The following FOXP1 variants were observed in gnomAD, a reference collection of about 807,000 sequenced individuals.
The protein encoded by FOXP1 is forkhead box P1.
FOXP1 carries 15 observed loss-of-function variants against 98.2 expected under a neutral mutation model. The observed-to-expected ratio is 0.15, with a 90% confidence interval of 0.10 to 0.24. The LOEUF (loss-of-function observed/expected upper bound fraction) is 0.24. FOXP1 is among the 10% of genes least tolerant of loss of function. FOXP1 has a pLI of 1.00. For synonymous variants in FOXP1, 371 were observed against 314.5 expected (o/e 1.18, Z -1.90); for missense variants, 633 against 848.5 (o/e 0.75, Z 3.15).
chr3:71,204,520 G>A (rs2063889139), intron 5 of FOXP1, among the ~76,000 whole-genome samples: 1 of 152,136 alleles, frequency 6.6e-6, no homozygotes, highest in African/African-American at 2.4e-5. Context: ...TCTCAGTAGA[G>A]GACTGCAACA....
chr3:71,161,158 G>A (rs755778260), intron 6 of FOXP1, among the ~76,000 whole-genome samples: 8 of 152,192 alleles, frequency 5.3e-5, no homozygotes, highest in Non-Finnish European at 8.8e-5. Context: ...GCTTTCCAAG[G>A]TTCCCGCTTC....
intron 3 of FOXP1, among the ~76,000 whole-genome samples, chr3:71,422,868 G>A (rs777393097): frequency 1.4e-4 from 21 of 151,834 alleles, no homozygotes; most frequent in East Asian, 5.8e-4. Flanking sequence ...ACACACAAGC[G>A]CGCACACACA....
chr3:71,062,142 T>C (rs1315625058), intron 7 of FOXP1, among the ~76,000 whole-genome samples: 2 of 152,102 alleles, frequency 1.3e-5, no homozygotes, highest in Admixed American at 6.5e-5. Context: ...TACATTAAAC[T>C]ACAAACAACA....
intron 4 of FOXP1, among the ~76,000 whole-genome samples, chr3:71,350,142 C>T (rs1219885513): frequency 6.6e-6 from 1 of 152,132 alleles, no homozygotes; most frequent in Non-Finnish European, 1.5e-5. Flanking sequence ...GATATTATTC[C>T]CACCACTTAC....
intron 4 of FOXP1, among the ~76,000 whole-genome samples, chr3:71,348,656 T>A: frequency 6.6e-6 from 1 of 151,850 alleles, no homozygotes. Flanking sequence ...TGCAGGTGTG[T>A]GTGTCGAGCA....
chr3:71,469,385 AACAC>A (rs2089099107), intron 3 of FOXP1, among the ~76,000 whole-genome samples: 1 of 152,214 alleles, frequency 6.6e-6, no homozygotes, highest in South Asian at 2.1e-4. Context: ...CATTATTTAA[AACAC>A]ACAGGACCAT....
At chr3:71,356,319 C>A (rs767102373) in intron 4 of FOXP1, among the ~76,000 whole-genome samples, 1 of 151,986 alleles carries the variant, frequency 6.6e-6, no homozygotes, top group Non-Finnish European at 1.5e-5. Context: ...AGGGCTACAG[C>A]AGCTGTATAC....
intron 5 of FOXP1, among the ~76,000 whole-genome samples, chr3:71,217,722 T>G (rs1445128041): frequency 2.6e-5 from 4 of 152,024 alleles, no homozygotes; most frequent in African/African-American, 9.7e-5. Context: ...AGGGCTGGGA[T>G]GAAATGAGCT....
intron 2 of FOXP1, among the ~76,000 whole-genome samples, chr3:71,538,026 G>A (rs773714258): frequency 6.6e-6 from 1 of 152,206 alleles, no homozygotes; most frequent in Non-Finnish European, 1.5e-5. Context: ...CTGAGAGACT[G>A]TATGGCCTGC....
chr3:71,279,639 C>A (rs2071300106), intron 5 of FOXP1, among the ~76,000 whole-genome samples: 1 of 152,072 alleles, frequency 6.6e-6, no homozygotes, highest in African/African-American at 2.4e-5. Context: ...CTCGTGTATC[C>A]AACCAAGTAG....
intron 11 of FOXP1, among the ~76,000 whole-genome samples, chr3:71,017,468 A>G (rs2044671974): frequency 6.6e-6 from 1 of 151,748 alleles, no homozygotes; most frequent in African/African-American, 2.4e-5. Context: ...ACTTTAAAAG[A>G]GTAATATATT....
intron 3 of FOXP1, among the ~76,000 whole-genome samples, chr3:71,455,243 C>G (rs537357870): frequency 6.6e-6 from 1 of 152,206 alleles, no homozygotes; most frequent in African/African-American, 2.4e-5. Flanking sequence ...CCCCCGCCGT[C>G]TGAAATACAG....
At chr3:71,130,629 A>G (rs780233640) in intron 6 of FOXP1, 2 of 1,598,254 alleles carry the variant, frequency 1.3e-6, no homozygotes, top group Non-Finnish European at 1.7e-6. Flanking sequence ...TGTTTGAATA[A>G]ACAGGAAGTA....
chr3:71,318,912 CA>C (rs2075235720), intron 4 of FOXP1, among the ~76,000 whole-genome samples: 3 of 152,192 alleles, frequency 2.0e-5, no homozygotes, highest in Admixed American at 2.0e-4. Context: ...CATAAATTAA[CA>C]TGGTTACTGA....
intron 6 of FOXP1, among the ~76,000 whole-genome samples, chr3:71,146,750 T>C (rs2060326708): frequency 6.6e-6 from 1 of 152,156 alleles, no homozygotes; most frequent in Non-Finnish European, 1.5e-5. Flanking sequence ...CTAACAATAG[T>C]GAGACTCTGA....
intron 3 of FOXP1, among the ~76,000 whole-genome samples, chr3:71,493,112 C>T (rs2091181162): frequency 6.6e-6 from 1 of 151,996 alleles, no homozygotes. Context: ...CATGTTATCA[C>T]CAAGTTGTAA....
intron 3 of FOXP1, among the ~76,000 whole-genome samples, chr3:71,381,844 C>T (rs831078): frequency 6.6e-6 from 1 of 151,968 alleles, no homozygotes; most frequent in African/African-American, 2.4e-5. Flanking sequence ...TTATTTGTTA[C>T]GTATTAATTC....
At chr3:71,089,434 G>C (rs116783086) in intron 7 of FOXP1, among the ~76,000 whole-genome samples, 86 of 152,260 alleles carry the variant, frequency 5.6e-4, no homozygotes, top group African/African-American at 2.0e-3. Flanking sequence ...GATGCTATGA[G>C]CCTGAACCAC....
intron 5 of FOXP1, among the ~76,000 whole-genome samples, chr3:71,263,768 G>A (rs970140422): frequency 2.0e-5 from 3 of 151,674 alleles, no homozygotes; most frequent in Non-Finnish European, 1.5e-5. Flanking sequence ...TTCTGAAATA[G>A]GGTCTCACTC....
Sources: gnomAD v4.1 joint callset for allele counts (sites outside exome capture counted in the v4.1 genomes callset) on GRCh38, gnomAD v4.1.1 for gene constraint, MANE v1.5 for transcripts, NCBI Gene and HGNC (gene_info 2026-07-23, HGNC 2026-07-21) for gene names.